Variants in SLC4A10 observed in about 807,000 individuals in gnomAD.
SLC4A10 encodes sodium-driven chloride bicarbonate exchanger.
SLC4A10 carries 42 observed loss-of-function variants against 137.7 expected under a neutral mutation model. The ratio of observed to expected loss-of-function variants is 0.30; its 90% CI spans 0.24 to 0.39. The LOEUF is 0.39. SLC4A10 is among the 10% of genes least tolerant of loss of function. The probability of loss-of-function intolerance (pLI) is 1.00; values close to 1 mark genes in which losing one functional copy is unlikely to be tolerated. For missense variants in SLC4A10, 925 were observed against 1,355.0 expected (o/e 0.68, Z 4.98); for synonymous variants, 474 against 464.1 (o/e 1.02, Z -0.27).
At chr2:161,938,024 G>A (rs1182084362) in intron 15 of SLC4A10, among the ~76,000 whole-genome samples, 1 of 152,082 alleles carries the variant, frequency 6.6e-6, no homozygotes, top group African/African-American at 2.4e-5. Flanking sequence ...TATAATCCCA[G>A]CACTTTGGGA....
At chr2:161,637,031 A>G (rs1182078996) in intron 1 of SLC4A10, among the ~76,000 whole-genome samples, 4 of 145,710 alleles carry the variant, frequency 2.7e-5, no homozygotes, top group Non-Finnish European at 6.0e-5. Flanking sequence ...ATTTTTTAAA[A>G]ATTATTTATG....
At chr2:161,968,439 C>T (rs901222643) in intron 23 of SLC4A10, among the ~76,000 whole-genome samples, 1 of 152,118 alleles carries the variant, frequency 6.6e-6, no homozygotes, top group African/African-American at 2.4e-5. Context: ...AACTAAATAG[C>T]ACTAAATTTC....
intron 26 of SLC4A10, among the ~76,000 whole-genome samples, chr2:161,981,583 A>G (rs776628198): frequency 6.6e-6 from 1 of 152,178 alleles, no homozygotes; most frequent in Non-Finnish European, 1.5e-5. Flanking sequence ...GGCAAAAGAG[A>G]CTGGAAGGCA....
At chr2:161,962,652 G>T (rs1360991767) in intron 21 of SLC4A10, among the ~76,000 whole-genome samples, 2 of 152,066 alleles carry the variant, frequency 1.3e-5, no homozygotes, top group Admixed American at 1.3e-4. Context: ...AATATTTTTG[G>T]AATATATAAA....
intron 11 of SLC4A10, among the ~76,000 whole-genome samples, chr2:161,895,879 T>C (rs1249444669): frequency 3.9e-5 from 6 of 151,976 alleles, no homozygotes; most frequent in Admixed American, 1.3e-4. Flanking sequence ...TTCACTCTGA[T>C]GGTAGTTTCT....
At chr2:161,980,068 T>A (rs1384298117) in intron 26 of SLC4A10, among the ~76,000 whole-genome samples, 1 of 152,224 alleles carries the variant, frequency 6.6e-6, no homozygotes, top group East Asian at 1.9e-4. Flanking sequence ...AATGGGCTGG[T>A]GAAAATAGGG....
chr2:161,844,439 A>C (rs1239102776), intron 4 of SLC4A10, among the ~76,000 whole-genome samples: 5 of 151,968 alleles, frequency 3.3e-5, no homozygotes, highest in Admixed American at 1.3e-4. Flanking sequence ...GTATTCTTTG[A>C]TTACATGTTA....
intron 19 of SLC4A10, among the ~76,000 whole-genome samples, chr2:161,952,616 A>C (rs1694994318): frequency 6.6e-6 from 1 of 152,232 alleles, no homozygotes; most frequent in African/African-American, 2.4e-5. Context: ...ATCTGGCTTA[A>C]TCATAAACTC....
At chr2:161,780,201 G>A (rs1017659588) in intron 2 of SLC4A10, among the ~76,000 whole-genome samples, 1 of 152,126 alleles carries the variant, frequency 6.6e-6, no homozygotes, top group South Asian at 2.1e-4. Flanking sequence ...GACAAAATAT[G>A]TATTTATTAT....
chr2:161,761,729 C>T (rs191033530), intron 1 of SLC4A10, among the ~76,000 whole-genome samples: 3 of 152,218 alleles, frequency 2.0e-5, no homozygotes, highest in African/African-American at 7.2e-5. Flanking sequence ...CAGCAACCGT[C>T]AGAAGTATAA....
intron 16 of SLC4A10, among the ~76,000 whole-genome samples, chr2:161,945,981 C>T (rs917231383): frequency 2.0e-5 from 3 of 151,920 alleles, no homozygotes; most frequent in African/African-American, 7.2e-5. Context: ...AATTTTGCTA[C>T]CCATTATATT....
chr2:161,688,564 T>C (rs549289819), intron 1 of SLC4A10, among the ~76,000 whole-genome samples: 2 of 152,320 alleles, frequency 1.3e-5, no homozygotes, highest in South Asian at 4.1e-4. Flanking sequence ...TAATCAATAC[T>C]ATATTTTGAA....
intron 17 of SLC4A10, 119 bp downstream of exon 17, chr2:161,947,846 T>G (rs960772249): frequency 9.1e-7 from 1 of 1,103,284 alleles, no homozygotes; most frequent in East Asian, 2.4e-5. Flanking sequence ...AGGTTAGTTG[T>G]GGAGTGAGAT....
intron 1 of SLC4A10, among the ~76,000 whole-genome samples, chr2:161,660,615 T>TCTTC (rs2038222237): frequency 6.9e-6 from 1 of 145,476 alleles, no homozygotes; most frequent in Non-Finnish European, 1.5e-5. Context: ...TTTCTTTCTT[T>TCTTC]CTTTCTTTCT....
intron 1 of SLC4A10, among the ~76,000 whole-genome samples, chr2:161,700,822 T>C (rs1559062301): frequency 6.6e-6 from 1 of 152,136 alleles, no homozygotes; most frequent in Non-Finnish European, 1.5e-5. Context: ...GGTTCTGCTC[T>C]ACGCGCTCTG....
intron 2 of SLC4A10, among the ~76,000 whole-genome samples, chr2:161,771,569 A>G (rs2051618898): frequency 6.6e-6 from 1 of 151,848 alleles, no homozygotes; most frequent in African/African-American, 2.4e-5. Flanking sequence ...GTGGATTCAA[A>G]TACCAGTGCT....
chr2:161,778,010 CATT>C (rs1250378003), intron 2 of SLC4A10, among the ~76,000 whole-genome samples: 1 of 151,942 alleles, frequency 6.6e-6, no homozygotes, highest in Admixed American at 6.6e-5. Context: ...TTTTCCAAAT[CATT>C]GTTATATAGA....
At chr2:161,805,528 T>C (rs545101690) in intron 3 of SLC4A10, among the ~76,000 whole-genome samples, 1 of 152,272 alleles carries the variant, frequency 6.6e-6, no homozygotes, top group African/African-American at 2.4e-5. Flanking sequence ...TAGATACAAC[T>C]GGGGTAAAGG....
At chr2:161,944,891 T>C (rs921580516) in intron 16 of SLC4A10, among the ~76,000 whole-genome samples, 1 of 151,512 alleles carries the variant, frequency 6.6e-6, no homozygotes, top group Non-Finnish European at 1.5e-5. Context: ...CTAGTGGCTA[T>C]CACAACTAAT....
Sources: gnomAD v4.1 joint callset for allele counts (sites outside exome capture counted in the v4.1 genomes callset) on GRCh38, gnomAD v4.1.1 for gene constraint, MANE v1.5 for transcripts, NCBI Gene and HGNC (gene_info 2026-07-23, HGNC 2026-07-21) for gene names.